The following TASP1 variants were observed in gnomAD, a reference collection of about 807,000 sequenced individuals.
TASP1 encodes the protein threonine aspartase 1.
TASP1 carries 16 observed loss-of-function variants against 56.6 expected under a neutral mutation model. The observed-to-expected ratio is 0.28, with a 90% CI of 0.19 to 0.43. The LOEUF is 0.43. Ranked by LOEUF, TASP1 falls within the 20% of genes least tolerant of loss-of-function variation. The pLI, the probability that TASP1 is intolerant of heterozygous loss-of-function variation, is 1.00. For synonymous variants in TASP1, 179 were observed against 184.2 expected, an observed-to-expected ratio of 0.97 and a Z score of 0.23; for missense variants, 393 against 511.6, an observed-to-expected ratio of 0.77 and a Z score of 2.24.
chr20:13,163,720 A>G, the TASP1 span, among the ~76,000 whole-genome samples: 2 of 152,112 alleles, frequency 1.3e-5, no homozygotes, highest in African/African-American at 4.8e-5. Flanking sequence ...AGGAAAGTCC[A>G]TAAGATCTAT....
the TASP1 span, among the ~76,000 whole-genome samples, chr20:13,284,350 C>G: frequency 1.3e-5 from 2 of 152,196 alleles, no homozygotes; most frequent in African/African-American, 2.4e-5. Flanking sequence ...AGCTCTCAGC[C>G]CACTGCACTC....
intron 10 of TASP1, among the ~76,000 whole-genome samples, chr20:13,494,381 G>A (rs542046058): frequency 1.3e-5 from 2 of 152,236 alleles, no homozygotes; most frequent in South Asian, 2.1e-4. Context: ...TAGTTAAGAG[G>A]CTTGCAATAG....
At chr20:13,613,524 A>T (rs1378513737) in intron 4 of TASP1, among the ~76,000 whole-genome samples, 1 of 152,138 alleles carries the variant, frequency 6.6e-6, no homozygotes, top group Non-Finnish European at 1.5e-5. Context: ...CGGGTCACTG[A>T]AAATTAAAGC....
chr20:13,449,946 G>A (rs1344603803), intron 11 of TASP1, among the ~76,000 whole-genome samples: 2 of 152,028 alleles, frequency 1.3e-5, no homozygotes, highest in African/African-American at 4.8e-5. Flanking sequence ...CATCTCACTT[G>A]AATGTACTTC....
At chr20:13,293,525 C>T in the TASP1 span, among the ~76,000 whole-genome samples, 1 of 151,666 alleles carries the variant, frequency 6.6e-6, no homozygotes, top group African/African-American at 2.4e-5. Flanking sequence ...CATAGCCCTG[C>T]AATTTGGGAG....
chr20:13,580,210 G>T (rs1240373433), intron 6 of TASP1, among the ~76,000 whole-genome samples: 2 of 152,234 alleles, frequency 1.3e-5, no homozygotes, highest in Admixed American at 6.5e-5. Flanking sequence ...TCTCTGGGAG[G>T]CCAAGGCAGG....
At chr20:13,448,763 GCTAT>G (rs1030552160) in intron 11 of TASP1, among the ~76,000 whole-genome samples, 45 of 152,056 alleles carry the variant, frequency 3.0e-4, no homozygotes, top group African/African-American at 8.9e-4. Context: ...TTCTTACTCT[GCTAT>G]CTATTTTATT....
intron 13 of TASP1, among the ~76,000 whole-genome samples, chr20:13,395,990 C>T (rs1384517289): frequency 2.0e-5 from 3 of 151,986 alleles, no homozygotes; most frequent in Non-Finnish European, 4.4e-5. Flanking sequence ...TGAGCCACTG[C>T]GCCCGGCCAC....
the TASP1 span, among the ~76,000 whole-genome samples, chr20:13,263,054 C>T: frequency 2.0e-5 from 3 of 152,162 alleles, no homozygotes; most frequent in Non-Finnish European, 2.9e-5. Context: ...TCAGGGCTGT[C>T]GTCAGAGTGC....
the TASP1 span, among the ~76,000 whole-genome samples, chr20:13,321,362 A>C: frequency 0.12 from 17,786 of 151,896 alleles, 1,201 homozygotes; most frequent in Admixed American, 0.18. Context: ...ACTGATGACA[A>C]TTGTCAAAAT....
chr20:13,522,493 G>C (rs1019467446), intron 10 of TASP1, among the ~76,000 whole-genome samples: 5 of 152,028 alleles, frequency 3.3e-5, no homozygotes, highest in Middle Eastern at 3.2e-3. Flanking sequence ...TAGAAAAGAG[G>C]GTCAAGGATG....
intron 12 of TASP1, among the ~76,000 whole-genome samples, chr20:13,431,914 C>G (rs1020306261): frequency 4.6e-5 from 7 of 152,224 alleles, no homozygotes; most frequent in African/African-American, 1.2e-4. Context: ...TACAGATAGT[C>G]CCCGCCAGCA....
At chr20:13,460,709 C>T (rs536678291) in intron 11 of TASP1, among the ~76,000 whole-genome samples, 48 of 152,224 alleles carry the variant, frequency 3.2e-4, no homozygotes, top group African/African-American at 1.1e-3. Flanking sequence ...TTATCTTTCA[C>T]CCTATATTAA....
intron 10 of TASP1, among the ~76,000 whole-genome samples, chr20:13,506,152 A>G (rs2044123594): frequency 6.6e-6 from 1 of 152,200 alleles, no homozygotes; most frequent in African/African-American, 2.4e-5. Flanking sequence ...CCTAGTAGAA[A>G]TGCATAAATT....
At chr20:13,110,650 A>C in the TASP1 span, among the ~76,000 whole-genome samples, 1 of 152,158 alleles carries the variant, frequency 6.6e-6, no homozygotes, top group East Asian at 1.9e-4. Context: ...TGCTTGCTGA[A>C]CTTTGTTAGT....
intron 7 of TASP1, among the ~76,000 whole-genome samples, chr20:13,562,968 G>T (rs552967956): frequency 7.5e-6 from 1 of 134,114 alleles, no homozygotes; most frequent in East Asian, 2.4e-4. Context: ...GTATACGTGC[G>T]TATGTATGTG....
the TASP1 span, among the ~76,000 whole-genome samples, chr20:13,174,995 G>A: frequency 2.0e-5 from 3 of 152,182 alleles, no homozygotes; most frequent in South Asian, 4.2e-4. Flanking sequence ...CTTGCCTGCC[G>A]CCGTGTAATA....
chr20:13,491,620 C>A (rs939743141), intron 10 of TASP1, among the ~76,000 whole-genome samples: 2 of 152,114 alleles, frequency 1.3e-5, no homozygotes, highest in Admixed American at 6.6e-5. Context: ...ATTGTGACAG[C>A]CCAACAAAAT....
At chr20:13,557,572 G>GGTTTTTTTTTTT (rs1293106640) in intron 8 of TASP1, among the ~76,000 whole-genome samples, 1 of 99,738 alleles carries the variant, frequency 1.0e-5, no homozygotes, top group Non-Finnish European at 2.0e-5. Flanking sequence ...GATGTTTTTG[G>GGTTTTTTTTTTT]TTTTTTTTTT....
Sources: allele counts gnomAD v4.1 joint callset (sites outside exome capture counted in the v4.1 genomes callset), GRCh38; gene constraint gnomAD v4.1.1; transcripts MANE v1.5; gene names NCBI Gene and HGNC (gene_info 2026-07-23, HGNC 2026-07-21).